SCTR: variants seen among roughly 807,000 people sequenced by gnomAD.
The protein encoded by SCTR is pancreatic secretin receptor.
Under a neutral mutation model 60.8 loss-of-function variants are expected in SCTR, and 56 were observed. That is an observed-to-expected ratio of 0.92 (90% confidence interval 0.74 to 1.15). SCTR has a LOEUF of 1.15. SCTR is among the 50% of genes most tolerant of loss of function. The pLI is 0.00. For missense variants in SCTR, 562 were observed against 550.4 expected (o/e 1.02, Z -0.21); for synonymous variants, 202 against 217.0 (o/e 0.93, Z 0.61).
At chr2:119,499,910 A>T (rs550547606) in intron 1 of SCTR, among the ~76,000 whole-genome samples, 1 of 152,270 alleles carries the variant, frequency 6.6e-6, no homozygotes, top group African/African-American at 2.4e-5. Context: ...AGTCTTAGCC[A>T]ATGCAATAAG....
chr2:119,451,966 G>T, intron 9 of SCTR, 44 bp downstream of exon 9: 2 of 1,264,108 alleles, frequency 1.6e-6, no homozygotes. Flanking sequence ...CACCATTTCC[G>T]TCTCTCCCAC....
chr2:119,520,143 T>C (rs1234231774), intron 1 of SCTR, among the ~76,000 whole-genome samples: 1 of 152,090 alleles, frequency 6.6e-6, no homozygotes, highest in Non-Finnish European at 1.5e-5. Flanking sequence ...TTCAGAAAAC[T>C]AGAAAGTGTT....
At chr2:119,494,599 C>T (rs1040602584) in intron 1 of SCTR, 51 bp from the exon 2 acceptor site, 7 of 1,603,460 alleles carry the variant, frequency 4.4e-6, no homozygotes, top group Non-Finnish European at 6.0e-6. Context: ...CTCAATTTTG[C>T]CACATGGGGG....
chr2:119,483,449 T>C (rs1349169291), intron 2 of SCTR, among the ~76,000 whole-genome samples: 1 of 152,160 alleles, frequency 6.6e-6, no homozygotes, highest in Non-Finnish European at 1.5e-5. Context: ...GCAGCAGACC[T>C]GGCTGCTAGC....
chr2:119,456,061 C>CA (rs1553460789), intron 7 of SCTR, among the ~76,000 whole-genome samples: 1 of 121,088 alleles, frequency 8.3e-6, no homozygotes, highest in Non-Finnish European at 1.7e-5. Context: ...GATTTTTCAA[C>CA]TTTTTTTTTT....
chr2:119,448,353 C>A (rs1258887854), intron 10 of SCTR, among the ~76,000 whole-genome samples: 1 of 152,176 alleles, frequency 6.6e-6, no homozygotes, highest in African/African-American at 2.4e-5. Flanking sequence ...GAAGGTCATC[C>A]TCCTCTGAAA....
At chr2:119,451,941 C>T in intron 9 of SCTR, 69 bp downstream of exon 9, 1 of 954,138 alleles carries the variant, frequency 1.0e-6, no homozygotes, top group Non-Finnish European at 1.7e-6. Flanking sequence ...CCACCCTCTG[C>T]CCCTGTGGGC....
rs1682591155 is a variant in SCTR at position 119,439,938 on chromosome 2, C to T, written c.*179G>A. The T allele has an allele frequency of 1.6e-6, 1 of 630,678 alleles. No individual in the cohort carries two copies. 39.1% of individuals were successfully genotyped at this position (630,678 alleles called of 1,614,324 possible). On this transcript the variant is annotated 3_prime_UTR_variant, in exon 13 of 13. Transcript: ENST00000019103. Reference sequence around the variant, plus strand: ...GAGCAAACGAACCAAATCCCAGGCCCTTGTCCTGCCCCACAGTGCCTCACA... The same window carrying T: ...GAGCAAACGAACCAAATCCCAGGCCTTTGTCCTGCCCCACAGTGCCTCACA...
At chr2:119,486,551 CTTTG>C (rs1677875031) in intron 2 of SCTR, 2 of 152,252 alleles carry the variant, frequency 1.3e-5, no homozygotes, top group Non-Finnish European at 1.5e-5. Flanking sequence ...CAATCTCTGT[CTTTG>C]TTTGTTTTCT....
chr2:119,505,391 G>A (rs1468063888), intron 1 of SCTR, among the ~76,000 whole-genome samples: 2 of 151,680 alleles, frequency 1.3e-5, no homozygotes, highest in East Asian at 3.9e-4. Context: ...GTTAATGGGT[G>A]TAGCGCACCA....
At chr2:119,521,513 T>C (rs772873614) in intron 1 of SCTR, among the ~76,000 whole-genome samples, 25 of 152,106 alleles carry the variant, frequency 1.6e-4, no homozygotes, top group South Asian at 1.2e-3. Context: ...AAAGTTCTCA[T>C]GAGATGTATG....
At chr2:119,496,278 T>C (rs1051571758) in intron 1 of SCTR, among the ~76,000 whole-genome samples, 7 of 152,156 alleles carry the variant, frequency 4.6e-5, no homozygotes. Context: ...GTGCTGGAGG[T>C]AGTGAGACCA....
chr2:119,449,371 C>T (rs1178164500), intron 9 of SCTR, among the ~76,000 whole-genome samples: 1 of 151,958 alleles, frequency 6.6e-6, no homozygotes, highest in Non-Finnish European at 1.5e-5. Context: ...CCTGATTCAC[C>T]GTATTTAGGG....
At chr2:119,480,601 C>T (rs867013644) in intron 2 of SCTR, 1 of 152,238 alleles carries the variant, frequency 6.6e-6, no homozygotes, top group African/African-American at 2.4e-5. Context: ...ACAAATTAAA[C>T]AAGCTGTTCG....
At chr2:119,478,127 G>C (rs914981282) in intron 3 of SCTR, among the ~76,000 whole-genome samples, 2 of 152,190 alleles carry the variant, frequency 1.3e-5, no homozygotes, top group Non-Finnish European at 2.9e-5. Flanking sequence ...GTCCTGCATG[G>C]ACCAGGAAAG....
At chr2:119,495,581 G>C (rs1678314201) in intron 1 of SCTR, 1 of 152,256 alleles carries the variant, frequency 6.6e-6, no homozygotes. Context: ...GTAATCAAAA[G>C]TTCTGGGCCA....
At position 119,524,478 on chromosome 2, in the gene SCTR, G is replaced by A; in HGVS notation, c.-252C>T. The A allele has an allele frequency of 2.9e-6, 1 of 346,796 alleles. No individual in the cohort carries two copies. The highest frequency in any genetic ancestry group is 5.2e-6 in the Non-Finnish European group (1 of 193,558). 21.5% of individuals were successfully genotyped at this position (346,796 alleles called of 1,614,324 possible). A position where few individuals can be genotyped will look rare whatever the true frequency, so the allele number is the denominator to read the frequency against. ...GCCGGCGCGCCTCCTCCACCCGGCAGGGACTGGCGCGGGGTCGGCGCGGAG... is the reference window on the plus strand; with the variant it reads ...GCCGGCGCGCCTCCTCCACCCGGCAAGGACTGGCGCGGGGTCGGCGCGGAG... On this transcript the variant is annotated 5_prime_UTR_variant, in exon 1 of 13. Coordinates refer to ENST00000019103, the MANE Select transcript of SCTR (RefSeq NM_002980.3).
intron 10 of SCTR, among the ~76,000 whole-genome samples, chr2:119,447,339 A>C (rs1159211786): frequency 1.3e-5 from 2 of 152,180 alleles, no homozygotes; most frequent in Non-Finnish European, 2.9e-5. Context: ...TCCCCAGTTA[A>C]ATCTGAATTT....
At chr2:119,483,298 G>A (rs548045597) in intron 2 of SCTR, among the ~76,000 whole-genome samples, 37 of 152,356 alleles carry the variant, frequency 2.4e-4, no homozygotes, top group Non-Finnish European at 3.5e-4. Context: ...GCCCCACGGC[G>A]GAGATGAGGA....
Sources: allele counts gnomAD v4.1 joint callset (sites outside exome capture counted in the v4.1 genomes callset), GRCh38; gene constraint gnomAD v4.1.1; transcripts MANE v1.5; gene names NCBI Gene and HGNC (gene_info 2026-07-23, HGNC 2026-07-21).